The following ARHGAP15 variants were observed in gnomAD, a reference collection of about 807,000 sequenced individuals.
ARHGAP15 encodes Rho GTPase activating protein 15.
In ARHGAP15, 51 loss-of-function variants were observed where a neutral mutation model predicts 63.7. The ratio of observed to expected loss-of-function variants is 0.80; its 90% confidence interval spans 0.64 to 1.01. ARHGAP15 has a LOEUF of 1.01. ARHGAP15 is among the 50% of genes least tolerant of loss of function. The pLI, the probability that ARHGAP15 is intolerant of heterozygous loss-of-function variation, is 0.00. For missense variants in ARHGAP15, 560 were observed against 564.6 expected (o/e 0.99, Z 0.08); for synonymous variants, 191 against 193.8 (o/e 0.99, Z 0.12).
At chr2:143,158,605 T>C (rs1430805395) in intron 2 of ARHGAP15, among the ~76,000 whole-genome samples, 1 of 151,844 alleles carries the variant, frequency 6.6e-6, no homozygotes, top group Non-Finnish European at 1.5e-5. Context: ...GTTGGAGAGG[T>C]GGGCAGTTTC....
intron 6 of ARHGAP15, among the ~76,000 whole-genome samples, chr2:143,250,807 G>T (rs1036023307): frequency 2.6e-5 from 4 of 151,970 alleles, no homozygotes; most frequent in African/African-American, 9.7e-5. Context: ...AACACAAAAT[G>T]TATGTTGCAC....
At chr2:143,651,552 A>G (rs943125094) in intron 12 of ARHGAP15, among the ~76,000 whole-genome samples, 1 of 152,002 alleles carries the variant, frequency 6.6e-6, no homozygotes, top group Non-Finnish European at 1.5e-5. Context: ...AAGCCTTTAT[A>G]TGAACATACG....
chr2:143,354,738 G>T (rs1007450179), intron 6 of ARHGAP15, among the ~76,000 whole-genome samples: 2 of 152,076 alleles, frequency 1.3e-5, no homozygotes, highest in African/African-American at 4.8e-5. Context: ...CGCCTGGAAC[G>T]ACTTTGCTTC....
chr2:143,678,260 C>A (rs185291275), intron 12 of ARHGAP15, among the ~76,000 whole-genome samples: 91 of 152,272 alleles, frequency 6.0e-4, no homozygotes, highest in African/African-American at 2.1e-3. Flanking sequence ...GGAAGAATAT[C>A]TTTGCCTCTA....
intron 12 of ARHGAP15, among the ~76,000 whole-genome samples, chr2:143,637,522 G>A (rs551296059): frequency 6.6e-6 from 1 of 152,024 alleles, no homozygotes; most frequent in African/African-American, 2.4e-5. Context: ...CAGGAGCTGG[G>A]ACCAAAACCC....
intron 13 of ARHGAP15, among the ~76,000 whole-genome samples, chr2:143,720,155 A>G (rs972078072): frequency 6.6e-6 from 1 of 152,178 alleles, no homozygotes; most frequent in African/African-American, 2.4e-5. Context: ...GGCGGGGAAG[A>G]TGATGACCAG....
chr2:143,250,450 T>C, intron 5 of ARHGAP15, 61 bp from the exon 6 acceptor site: 3 of 1,301,578 alleles, frequency 2.3e-6, no homozygotes, highest in Non-Finnish European at 3.3e-6. Flanking sequence ...AACTCCTATT[T>C]CTCTGACATC....
chr2:143,502,111 A>G (rs1427703039), intron 9 of ARHGAP15, among the ~76,000 whole-genome samples: 1 of 152,170 alleles, frequency 6.6e-6, no homozygotes, highest in Non-Finnish European at 1.5e-5. Context: ...GAATGGTAGT[A>G]AAAGACTTTG....
chr2:143,368,011 T>C lies in ARHGAP15; in HGVS notation c.475-67590T>C, dbSNP rs1002271305. ...GGCAAAACTTATTTCAAGAGAGAGATGTTTAGACCTTTGGAGGTAATTAAC... is the reference window on the plus strand; with the variant it reads ...GGCAAAACTTATTTCAAGAGAGAGACGTTTAGACCTTTGGAGGTAATTAAC... On this transcript the variant is annotated intron_variant, in intron 6 of 13. Coordinates refer to ENST00000295095, the MANE Select transcript of ARHGAP15 (RefSeq NM_018460.4). Among the ~76,000 whole-genome samples the C allele has an allele frequency of 3.9e-5, 6 of 152,196 alleles. No homozygotes were observed. In the East Asian group the frequency reaches 7.7e-4, roughly 20 times the overall value.
At chr2:143,562,806 A>G (rs577944970) in intron 11 of ARHGAP15, among the ~76,000 whole-genome samples, 1 of 152,316 alleles carries the variant, frequency 6.6e-6, no homozygotes, top group East Asian at 1.9e-4. Flanking sequence ...TTAGTAAATA[A>G]TGCTGAACAC....
At chr2:143,733,612 C>A (rs1574907325) in intron 13 of ARHGAP15, among the ~76,000 whole-genome samples, 1 of 152,196 alleles carries the variant, frequency 6.6e-6, no homozygotes, top group Non-Finnish European at 1.5e-5. Flanking sequence ...GCAAGTTTAA[C>A]AAACTTATTT....
At chr2:143,443,990 T>G (rs1690016983) in intron 8 of ARHGAP15, among the ~76,000 whole-genome samples, 1 of 152,198 alleles carries the variant, frequency 6.6e-6, no homozygotes. Context: ...CTTTCCCATC[T>G]AAGGGGCTGA....
chr2:143,761,737 C>T (rs771017958), intron 13 of ARHGAP15, among the ~76,000 whole-genome samples: 4 of 151,982 alleles, frequency 2.6e-5, no homozygotes, highest in African/African-American at 7.2e-5. Flanking sequence ...ATTTCTTTTC[C>T]GGGGGTCCAA....
chr2:143,717,772 C>T lies in ARHGAP15; in HGVS notation c.1244+14248C>T, dbSNP rs142210886. On this transcript the variant is annotated intron_variant, in intron 13 of 13. Transcript: ENST00000295095. ...AAGAGCATCACGGGGCTGGGAAAGA[C>T]GAGACCATGCTGCAGTTAGTCAAGG... 2.7e-3 allele frequency among the ~76,000 whole-genome samples: 416 copies of T among 152,096 alleles called. 1 individual carries two copies. Among genetic ancestry groups the T allele is most frequent in the Non-Finnish European group, 4.5e-3 (304 of 68,010 alleles).
chr2:143,445,153 ATTTT>A (rs10671306), intron 8 of ARHGAP15, among the ~76,000 whole-genome samples: 13 of 74,426 alleles, frequency 1.7e-4, no homozygotes, highest in African/African-American at 2.2e-4. Flanking sequence ...AAGAACAATT[ATTTT>A]TTTTTTTTTT....
intron 2 of ARHGAP15, among the ~76,000 whole-genome samples, chr2:143,163,398 A>G (rs1044895972): frequency 2.6e-5 from 4 of 151,550 alleles, no homozygotes; most frequent in African/African-American, 9.7e-5. Context: ...CTTTATTTAT[A>G]TAGATATATA....
chr2:143,213,819 A>G (rs1451297768), intron 3 of ARHGAP15, among the ~76,000 whole-genome samples: 1 of 152,196 alleles, frequency 6.6e-6, no homozygotes, highest in Non-Finnish European at 1.5e-5. Context: ...TGAAAAGTCT[A>G]TTGCATTGAT....
At chr2:143,750,656 G>T (rs138379404) in intron 13 of ARHGAP15, among the ~76,000 whole-genome samples, 103 of 152,218 alleles carry the variant, frequency 6.8e-4, no homozygotes, top group African/African-American at 2.4e-3. Context: ...CAAGAGCAAT[G>T]GTTCTTTCCC....
intron 12 of ARHGAP15, among the ~76,000 whole-genome samples, chr2:143,635,369 G>A (rs1214876602): frequency 6.6e-6 from 1 of 151,742 alleles, no homozygotes; most frequent in Non-Finnish European, 1.5e-5. Context: ...TATTTTCAAA[G>A]CCTGTTATGG....
Sources: gnomAD v4.1 joint callset for allele counts (sites outside exome capture counted in the v4.1 genomes callset) on GRCh38, gnomAD v4.1.1 for gene constraint, MANE v1.5 for transcripts, NCBI Gene and HGNC (gene_info 2026-07-23, HGNC 2026-07-21) for gene names.